The following PDE4D variants were observed in gnomAD, a reference collection of about 807,000 sequenced individuals.
The protein encoded by PDE4D is 3',5'-cyclic-AMP phosphodiesterase 4D.
In PDE4D, 24 loss-of-function variants were observed where a neutral mutation model predicts 87.4. The ratio of observed to expected loss-of-function variants is 0.27; its 90% CI spans 0.20 to 0.39. The LOEUF (loss-of-function observed/expected upper bound fraction) is 0.39. Ranked by LOEUF, PDE4D falls within the 10% of genes least tolerant of loss-of-function variation. PDE4D has a pLI of 1.00. For missense variants in PDE4D, 714 were observed against 1,041.0 expected, an observed-to-expected ratio of 0.69 and a Z score of 4.32; for synonymous variants, 384 against 383.2, an observed-to-expected ratio of 1.00 and a Z score of -0.02.
chr5:59,903,552 G>GA (rs1003398910), intron 3 of PDE4D, among the ~76,000 whole-genome samples: 1 of 151,776 alleles, frequency 6.6e-6, no homozygotes, highest in Non-Finnish European at 1.5e-5. Context: ...GAAAGTAATA[G>GA]AAAAAAAACT....
chr5:59,371,904 G>A (rs999082745), intron 1 of PDE4D, among the ~76,000 whole-genome samples: 9 of 152,176 alleles, frequency 5.9e-5, no homozygotes, highest in African/African-American at 1.9e-4. Flanking sequence ...AAGAAAAAGA[G>A]TGGTATATGC....
At chr5:59,619,520 G>C (rs1193041960) in intron 1 of PDE4D, among the ~76,000 whole-genome samples, 1 of 152,172 alleles carries the variant, frequency 6.6e-6, no homozygotes, top group Non-Finnish European at 1.5e-5. Flanking sequence ...CAAGCGGATG[G>C]CTGCATTTTA....
chr5:60,492,684 C>T (rs533539093), upstream of PDE4D, among the ~76,000 whole-genome samples: 2 of 152,080 alleles, frequency 1.3e-5, no homozygotes, highest in Non-Finnish European at 2.9e-5. Flanking sequence ...TAGGTGGGAA[C>T]TGAACAATGA....
At chr5:59,545,453 T>A (rs1395726334) in intron 1 of PDE4D, among the ~76,000 whole-genome samples, 1 of 152,200 alleles carries the variant, frequency 6.6e-6, no homozygotes, top group Non-Finnish European at 1.5e-5. Context: ...CAGGAGCTTC[T>A]CAAGAAATAC....
intron 2 of PDE4D, 132 bp from the exon 3 acceptor site, chr5:59,193,668 A>G: frequency 6.8e-7 from 1 of 1,473,130 alleles, no homozygotes; most frequent in Non-Finnish European, 9.0e-7. Flanking sequence ...CTTATACTTC[A>G]GCACATGTTC....
At chr5:59,462,895 G>T (rs1030994504) in intron 1 of PDE4D, among the ~76,000 whole-genome samples, 2 of 148,770 alleles carry the variant, frequency 1.3e-5, no homozygotes, top group African/African-American at 5.2e-5. Flanking sequence ...CTTGTAAAAA[G>T]TTAATTGTAA....
chr5:59,665,299 G>A (rs980075077), intron 1 of PDE4D, among the ~76,000 whole-genome samples: 2 of 152,192 alleles, frequency 1.3e-5, no homozygotes, highest in Non-Finnish European at 2.9e-5. Flanking sequence ...ATAGTTGCTG[G>A]AGTAAGGTTA....
intron 5 of PDE4D, among the ~76,000 whole-genome samples, chr5:59,141,811 G>A (rs1268704743): frequency 6.6e-6 from 1 of 152,142 alleles, no homozygotes; most frequent in Non-Finnish European, 1.5e-5. Flanking sequence ...TCCTCACTTG[G>A]TGCCTTTTAA....
At chr5:60,380,824 C>T (rs930736774) in intron 1 of PDE4D, among the ~76,000 whole-genome samples, 3 of 152,154 alleles carry the variant, frequency 2.0e-5, no homozygotes, top group Non-Finnish European at 4.4e-5. Flanking sequence ...ATTTATGTGT[C>T]CAGCAGTATG....
chr5:60,344,082 A>G (rs550664540), intron 1 of PDE4D, among the ~76,000 whole-genome samples: 1 of 151,980 alleles, frequency 6.6e-6, no homozygotes, highest in Non-Finnish European at 1.5e-5. Context: ...AGTGATTCTT[A>G]AGTCATACCT....
At chr5:60,061,844 G>C (rs577145171) in intron 2 of PDE4D, among the ~76,000 whole-genome samples, 1 of 152,080 alleles carries the variant, frequency 6.6e-6, no homozygotes, top group Non-Finnish European at 1.5e-5. Context: ...AAATGATGCT[G>C]GGAAAACTGG....
intron 3 of PDE4D, among the ~76,000 whole-genome samples, chr5:59,923,229 C>T (rs1415932785): frequency 6.6e-6 from 1 of 152,214 alleles, no homozygotes; most frequent in African/African-American, 2.4e-5. Context: ...TTTCTCACTT[C>T]AGGTCCTGGC....
rs192623566 is a variant in PDE4D at position 59,571,650 on chromosome 5, A to C, written c.455+321518T>G. On this transcript the variant is annotated intron_variant, in intron 1 of 14. Transcript: ENST00000340635. ...AATACTTGACTATTCTAGTAGTGGT[A>C]TCAAACTCTTAGTGCCAATATAAAA... Among the ~76,000 whole-genome samples, 250 of 152,358 alleles carry C rather than the reference A, an allele frequency of 1.6e-3. 2 individuals are homozygous for C. Among genetic ancestry groups the C allele is most frequent in the African/African-American group, 5.8e-3 (242 of 41,590 alleles).
chr5:59,042,459 C>T (rs1759844128), intron 5 of PDE4D, among the ~76,000 whole-genome samples: 1 of 152,156 alleles, frequency 6.6e-6, no homozygotes, highest in African/African-American at 2.4e-5. Context: ...TTGGCTTTTA[C>T]CAAGAACACA....
intron 1 of PDE4D, among the ~76,000 whole-genome samples, chr5:59,345,092 A>G (rs909119228): frequency 2.0e-5 from 3 of 152,194 alleles, no homozygotes; most frequent in Non-Finnish European, 4.4e-5. Context: ...TAATGACTAT[A>G]ATGACAAAAA....
chr5:60,090,006 A>T (rs1444452476), intron 2 of PDE4D, among the ~76,000 whole-genome samples: 1 of 152,056 alleles, frequency 6.6e-6, no homozygotes, highest in Non-Finnish European at 1.5e-5. Flanking sequence ...AGTAATGAGT[A>T]TGAGACTGCA....
At chr5:60,443,240 T>C (rs1745381370) in intron 1 of PDE4D, among the ~76,000 whole-genome samples, 1 of 152,108 alleles carries the variant, frequency 6.6e-6, no homozygotes, top group Admixed American at 6.6e-5. Context: ...CAGACCTCAG[T>C]GTATGAAGAA....
At chr5:60,189,800 T>C (rs1003885445) in intron 1 of PDE4D, among the ~76,000 whole-genome samples, 3 of 152,224 alleles carry the variant, frequency 2.0e-5, no homozygotes, top group Non-Finnish European at 4.4e-5. Flanking sequence ...TTGAGCACCT[T>C]ATATGTGCCA....
In PDE4D at chr5:59,310,000, T is replaced by C. The variant is rs985482179; in HGVS notation, c.456-94032A>G. ...TCTTGCTGTCTCACTCACCAGCCCA[T>C]CTCCAGAAAAATTCTCTTTGGTCAC... On this transcript the variant is annotated intron_variant, in intron 1 of 14. Transcript: ENST00000340635. Among the ~76,000 whole-genome samples, 5 of 152,252 alleles carry C rather than the reference T, an allele frequency of 3.3e-5. No individual in the cohort carries two copies. In the South Asian group the frequency reaches 6.2e-4, roughly 19 times the overall value.
Sources: gnomAD v4.1 joint callset for allele counts (sites outside exome capture counted in the v4.1 genomes callset) on GRCh38, gnomAD v4.1.1 for gene constraint, MANE v1.5 for transcripts, NCBI Gene and HGNC (gene_info 2026-07-23, HGNC 2026-07-21) for gene names.